ULK4: variants seen among roughly 807,000 people sequenced by gnomAD.
ULK4 encodes the protein inactive serine/threonine-protein kinase ULK4.
ULK4 carries 133 observed loss-of-function variants against 160.6 expected under a neutral mutation model. The ratio of observed to expected loss-of-function variants is 0.83; its 90% CI spans 0.72 to 0.96. ULK4 has a LOEUF of 0.96. Ranked by LOEUF, ULK4 falls within the 40% of genes least tolerant of loss-of-function variation. The pLI, the probability that ULK4 is intolerant of heterozygous loss-of-function variation, is 0.00. For synonymous variants in ULK4, 534 were observed against 539.8 expected (o/e 0.99, Z 0.15); for missense variants, 1,580 against 1,499.5 (o/e 1.05, Z -0.89).
At chr3:41,662,622 G>T (rs1334036060) in intron 30 of ULK4, among the ~76,000 whole-genome samples, 1 of 152,200 alleles carries the variant, frequency 6.6e-6, no homozygotes, top group Non-Finnish European at 1.5e-5. Flanking sequence ...TTGGGGCTAT[G>T]TGATTTAGTT....
chr3:41,655,600 A>G (rs920665774), intron 30 of ULK4, among the ~76,000 whole-genome samples: 4 of 152,138 alleles, frequency 2.6e-5, no homozygotes, highest in Non-Finnish European at 5.9e-5. Flanking sequence ...CCAGCTACTC[A>G]GGAGGCTAAG....
In ULK4 at chr3:41,898,480, G is replaced by A. The variant is rs1279521905; in HGVS notation, c.1300C>T (p.Pro434Ser). ...IIDNPKIMKQ[P>S]PVKFDAKILH... ...ATTTTTGCATCAAATTTAACTGGTG[G>A]CTGTTTCATTATCTGTGGTTTAAAA... Residue 434 changes from proline (P) to serine (S), a missense_variant, in exon 14 of 37, where the codon CCA becomes TCA. By Grantham distance (74) the Pro-to-Ser change is moderately conservative. Coordinates refer to ENST00000301831, the MANE Select transcript of ULK4 (RefSeq NM_017886.4). 3 of 1,594,246 alleles carry A rather than the reference G, an allele frequency of 1.9e-6. No homozygotes were observed. The highest frequency in any genetic ancestry group is 2.6e-6 in the Non-Finnish European group (3 of 1,170,984).
chr3:41,356,459 C>A (rs1299638696), intron 35 of ULK4, among the ~76,000 whole-genome samples: 1 of 152,168 alleles, frequency 6.6e-6, no homozygotes, highest in East Asian at 1.9e-4. Context: ...GGTGGCATCC[C>A]AAATCACAGC....
chr3:41,683,853 C>T (rs141749073), intron 27 of ULK4, among the ~76,000 whole-genome samples: 1 of 152,126 alleles, frequency 6.6e-6, no homozygotes, highest in Admixed American at 6.5e-5. Flanking sequence ...CCCTTTGCCA[C>T]GCCTTGTGGG....
rs370645373 is a variant in ULK4, at chr3:41,387,950, C to G, written c.3678+10129G>C. Among the ~76,000 whole-genome samples the G allele has an allele frequency of 5.9e-5, 9 of 152,216 alleles. No homozygotes were observed. In the East Asian group the frequency reaches 1.7e-3, roughly 29 times the overall value. ...TCTAGATCCCTGAGGAATCGCCACACTGACTTCCACAATGGTTGAACTAGT... is the reference window on the plus strand; with the variant it reads ...TCTAGATCCCTGAGGAATCGCCACAGTGACTTCCACAATGGTTGAACTAGT... On this transcript the variant is annotated intron_variant, in intron 35 of 36. Transcript: ENST00000301831.
At chr3:41,603,979 A>C (rs2032246381) in intron 31 of ULK4, among the ~76,000 whole-genome samples, 1 of 152,142 alleles carries the variant, frequency 6.6e-6, no homozygotes, top group Admixed American at 6.6e-5. Context: ...ACTGTGTGCC[A>C]GATGATAGAT....
At chr3:41,431,817 T>C (rs1186325246) in intron 34 of ULK4, among the ~76,000 whole-genome samples, 5 of 144,662 alleles carry the variant, frequency 3.5e-5, no homozygotes, top group Admixed American at 2.8e-4. Flanking sequence ...TGAGACAGAG[T>C]CCTGCTCTGT....
chr3:41,959,679 C>G (rs908229185), intron 1 of ULK4, among the ~76,000 whole-genome samples: 3 of 152,198 alleles, frequency 2.0e-5, no homozygotes, highest in African/African-American at 7.2e-5. Flanking sequence ...TGCCTCATGT[C>G]TGTAATCCCA....
chr3:41,409,911 T>C (rs541848709), intron 34 of ULK4, among the ~76,000 whole-genome samples: 1 of 151,560 alleles, frequency 6.6e-6, no homozygotes, highest in Non-Finnish European at 1.5e-5. Flanking sequence ...ATCACGCCAC[T>C]GTACTCCAGC....
chr3:41,952,853 T>A (rs918160187), intron 2 of ULK4, among the ~76,000 whole-genome samples: 16 of 152,170 alleles, frequency 1.1e-4, no homozygotes, highest in Non-Finnish European at 1.9e-4. Flanking sequence ...GCTTTATATA[T>A]GTACAATGAA....
intron 17 of ULK4, among the ~76,000 whole-genome samples, chr3:41,844,625 C>T (rs1481722490): frequency 1.3e-5 from 2 of 152,204 alleles, no homozygotes; most frequent in Non-Finnish European, 2.9e-5. Context: ...AGTGCAGCAG[C>T]AGGCTGAAGG....
chr3:41,854,024 G>A (rs1317324217), intron 17 of ULK4: 1 of 152,118 alleles, frequency 6.6e-6, no homozygotes, highest in Admixed American at 6.6e-5. Flanking sequence ...CTCCCTCGAA[G>A]TGCCTGCTTT....
At chr3:41,496,134 A>G (rs1214281377) in intron 32 of ULK4, among the ~76,000 whole-genome samples, 1 of 152,130 alleles carries the variant, frequency 6.6e-6, no homozygotes, top group East Asian at 1.9e-4. Flanking sequence ...TTTGTAAAAA[A>G]TACTGACAAA....
chr3:41,699,354 G>A (rs949689584), intron 27 of ULK4, among the ~76,000 whole-genome samples: 24 of 152,050 alleles, frequency 1.6e-4, no homozygotes, highest in Non-Finnish European at 1.3e-4. Context: ...TAGGTTTTTC[G>A]TTAAAATGTA....
intron 22 of ULK4, among the ~76,000 whole-genome samples, chr3:41,748,281 T>C (rs988251350): frequency 3.3e-5 from 5 of 151,106 alleles, no homozygotes; most frequent in African/African-American, 9.7e-5. Flanking sequence ...ACACGATATA[T>C]ATTATATATA....
chr3:41,559,013 C>T lies in ULK4; in HGVS notation c.3226+7012G>A, dbSNP rs189988535. On this transcript the variant is annotated intron_variant, in intron 32 of 36. Transcript: ENST00000301831. Reference sequence around the variant, plus strand: ...TTAACATTAGGTGTATCTCCTAATGCTATCCCTCCCCCCTACCCCCACCCC... The same window carrying T: ...TTAACATTAGGTGTATCTCCTAATGTTATCCCTCCCCCCTACCCCCACCCC... 6.4e-3 allele frequency among the ~76,000 whole-genome samples: 851 copies of T among 133,912 alleles called. 79 individuals are homozygous for T. Among genetic ancestry groups the T allele is most frequent in the Non-Finnish European group, 0.011 (654 of 59,380 alleles). 87.9% of individuals were successfully genotyped at this position (133,912 alleles called of 152,430 possible).
chr3:41,380,513 C>G (rs998773163), intron 35 of ULK4, among the ~76,000 whole-genome samples: 1 of 152,062 alleles, frequency 6.6e-6, no homozygotes, highest in Non-Finnish European at 1.5e-5. Flanking sequence ...GGAACACAGG[C>G]CCTCTGGGTG....
chr3:41,665,622 A>G (rs1157715440), intron 29 of ULK4, among the ~76,000 whole-genome samples: 4 of 152,194 alleles, frequency 2.6e-5, no homozygotes, highest in Admixed American at 2.6e-4. Context: ...AATCAAGCGT[A>G]ATTTCAAGAA....
At chr3:41,948,179 A>C (rs1700169476) in intron 2 of ULK4, among the ~76,000 whole-genome samples, 1 of 152,106 alleles carries the variant, frequency 6.6e-6, no homozygotes, top group Non-Finnish European at 1.5e-5. Flanking sequence ...AGCCAGGCGC[A>C]GTGGCTCATA....
Sources: gnomAD v4.1 joint callset for allele counts (sites outside exome capture counted in the v4.1 genomes callset) on GRCh38, gnomAD v4.1.1 for gene constraint, MANE v1.5 for transcripts, NCBI Gene and HGNC (gene_info 2026-07-23, HGNC 2026-07-21) for gene names.